Variants in TENT5D observed in about 807,000 individuals in gnomAD.
TENT5D encodes terminal nucleotidyltransferase 5D.
For synonymous variants in TENT5D, 103 were observed against 100.6 expected, an observed-to-expected ratio of 1.02 and a Z score of -0.15; for missense variants, 191 against 287.0, an observed-to-expected ratio of 0.67 and a Z score of 2.42.
chrX:80,410,340 C>T (rs1245068000), intron 3 of TENT5D, among the ~76,000 whole-genome samples: 1 of 87,096 alleles, frequency 1.1e-5, no homozygotes, highest in South Asian at 6.7e-4. Context: ...TCACAACCTA[C>T]TCATCTGACA....
chrX:80,432,143 A>C (rs1213506957), intron 1 of TENT5D, among the ~76,000 whole-genome samples: 5 of 111,102 alleles, frequency 4.5e-5, no homozygotes, highest in South Asian at 3.9e-4. Context: ...CATACAAAGC[A>C]GGGATAGGAA....
At chrX:80,397,435 C>G (rs1365408341) in intron 3 of TENT5D, among the ~76,000 whole-genome samples, 1 of 107,215 alleles carries the variant, frequency 9.3e-6, no homozygotes, top group Non-Finnish European at 1.9e-5. Flanking sequence ...AGACGCTCCT[C>G]ACTTTCCAGA....
intron 3 of TENT5D, among the ~76,000 whole-genome samples, chrX:80,352,720 CAAAAAAAAAAAAAAAA>C (rs1189877322): frequency 5.5e-4 from 11 of 19,915 alleles, no homozygotes; most frequent in Non-Finnish European, 1.1e-3. Context: ...AGCAAACAAA[CAAAAAAAAAAAAAAAA>C]AAAAAAAAAA....
intron 3 of TENT5D, among the ~76,000 whole-genome samples, chrX:80,393,396 A>G (rs1931175290): frequency 9.2e-6 from 1 of 108,810 alleles, no homozygotes; most frequent in South Asian, 4.0e-4. Flanking sequence ...CTCCCCTCCC[A>G]TTGTGTTTAA....
At chrX:80,417,657 G>A (rs2147557725), upstream of TENT5D, among the ~76,000 whole-genome samples, 1 of 111,118 alleles carries the variant, frequency 9.0e-6, no homozygotes, top group African/African-American at 3.3e-5. Context: ...TGGCTTTTAG[G>A]GTTTCTGTTG....
chrX:80,377,720 G>A (rs949250616), intron 3 of TENT5D, among the ~76,000 whole-genome samples: 2 of 111,931 alleles, frequency 1.8e-5, no homozygotes, highest in African/African-American at 6.5e-5. Flanking sequence ...CTTTATAGTA[G>A]CATGATTTAT....
intron 1 of TENT5D, among the ~76,000 whole-genome samples, chrX:80,427,826 G>A (rs1344012466): frequency 8.9e-6 from 1 of 111,971 alleles, no homozygotes; most frequent in East Asian, 2.8e-4. Context: ...TGGGATTTGT[G>A]GTGACTTTTC....
At chrX:80,433,818 G>A (rs1932131933) in intron 1 of TENT5D, among the ~76,000 whole-genome samples, 1 of 111,298 alleles carries the variant, frequency 9.0e-6, no homozygotes, top group Non-Finnish European at 1.9e-5. Flanking sequence ...ATCTCAGTCA[G>A]TAAGAACACT....
chrX:80,394,653 CA>C (rs1293343685), intron 3 of TENT5D, among the ~76,000 whole-genome samples: 4 of 110,816 alleles, frequency 3.6e-5, no homozygotes, highest in Non-Finnish European at 7.5e-5. Context: ...CTCAGCCTCC[CA>C]AAGTGCTGGG....
At chrX:80,441,719 A>C (rs917803964) in intron 2 of TENT5D, among the ~76,000 whole-genome samples, 1 of 111,371 alleles carries the variant, frequency 9.0e-6, no homozygotes, top group Non-Finnish European at 1.9e-5. Context: ...AACATTCCCT[A>C]AACTATAAAA....
chrX:80,378,539 C>T (rs1005639892), intron 3 of TENT5D, among the ~76,000 whole-genome samples: 11 of 111,307 alleles, frequency 9.9e-5, no homozygotes, highest in African/African-American at 3.6e-4. Flanking sequence ...ATAGGGCATC[C>T]TTTCCCCATT....
At chrX:80,359,850 G>A (rs1479597451) in intron 3 of TENT5D, among the ~76,000 whole-genome samples, 1 of 111,523 alleles carries the variant, frequency 9.0e-6, no homozygotes. Context: ...GGAACCCTAC[G>A]TTAAATCCTA....
At chrX:80,336,549 G>A (rs1349947809) in intron 2 of TENT5D, among the ~76,000 whole-genome samples, 1 of 107,790 alleles carries the variant, frequency 9.3e-6, no homozygotes, top group Non-Finnish European at 1.9e-5. Flanking sequence ...TTCTATACTA[G>A]ATAAACAGTT....
chrX:80,404,423 T>C (rs1290144056), intron 3 of TENT5D, among the ~76,000 whole-genome samples: 6 of 111,875 alleles, frequency 5.4e-5, no homozygotes, highest in African/African-American at 1.9e-4. Flanking sequence ...ACCTTTATAA[T>C]TTTGTATTAA....
intron 3 of TENT5D, among the ~76,000 whole-genome samples, chrX:80,363,931 T>C (rs1441877237): frequency 8.9e-6 from 1 of 112,601 alleles, no homozygotes; most frequent in Non-Finnish European, 1.9e-5. Flanking sequence ...CTCACATAAT[T>C]ACCTTTGTGC....
intron 1 of TENT5D, among the ~76,000 whole-genome samples, chrX:80,424,567 A>G (rs960236209): frequency 1.2e-4 from 13 of 112,185 alleles, no homozygotes; most frequent in Non-Finnish European, 1.9e-4. Context: ...ATTTACAGAA[A>G]TAGGGTTAGT....
At chrX:80,436,872 GCT>G (rs991745347) in intron 1 of TENT5D, among the ~76,000 whole-genome samples, 1 of 111,514 alleles carries the variant, frequency 9.0e-6, no homozygotes, top group Non-Finnish European at 1.9e-5. Flanking sequence ...AAGCACTAGG[GCT>G]CTCTATTGGT....
chrX:80,392,845 C>T (rs1337469849), intron 3 of TENT5D, among the ~76,000 whole-genome samples: 1 of 111,432 alleles, frequency 9.0e-6, no homozygotes, highest in African/African-American at 3.3e-5. Context: ...AATTTATCTT[C>T]TCTAAACTTT....
At chrX:80,441,052 T>G (rs1023599835) in intron 2 of TENT5D, among the ~76,000 whole-genome samples, 2 of 111,362 alleles carry the variant, frequency 1.8e-5, no homozygotes, top group Non-Finnish European at 3.8e-5. Context: ...GATAGATAAA[T>G]TACCAAATTC....
Sources: allele counts gnomAD v4.1 joint callset (sites outside exome capture counted in the v4.1 genomes callset), GRCh38; gene constraint gnomAD v4.1.1; transcripts MANE v1.5; gene names NCBI Gene and HGNC (gene_info 2026-07-23, HGNC 2026-07-21).